Variants in SCARB2 observed in about 807,000 individuals in gnomAD.
The protein encoded by SCARB2 is scavenger receptor class B member 2.
A neutral mutation model predicts 58.6 loss-of-function variants in SCARB2; 29 were observed. The ratio of observed to expected loss-of-function variants is 0.49; its 90% CI spans 0.37 to 0.67. The LOEUF is 0.67. Among genes scored for constraint, SCARB2 ranks in the 30% least tolerant of loss-of-function variants. The pLI, the probability that SCARB2 is intolerant of heterozygous loss-of-function variation, is 0.00. For missense variants in SCARB2, 488 were observed against 578.5 expected (o/e 0.84, Z 1.60); for synonymous variants, 195 against 210.1 (o/e 0.93, Z 0.62).
chr4:76,206,457 G>C (rs1732933288), intron 1 of SCARB2, among the ~76,000 whole-genome samples: 1 of 152,068 alleles, frequency 6.6e-6, no homozygotes, highest in Non-Finnish European at 1.5e-5. Flanking sequence ...GAAGTTTCCA[G>C]ATTTTAAAGG....
At position 76,174,167 on chromosome 4, in the gene SCARB2, AG is replaced by A. The variant is rs1485934928; in HGVS notation, c.970del (p.Leu324Ter). ...ACCATTCTTGCAGATGCTGACATTC[AG>A]AACTCCTGAGCCCAGGCAGTTTCCC... ...PEGNCLGSGV[L>X]NVSICKNGAP... On this transcript the variant is annotated frameshift_variant, in exon 7 of 12. Transcript: ENST00000264896. LOFTEE classifies it high-confidence loss of function. 6.2e-7 allele frequency: 1 copy of A among 1,614,052 alleles called. No homozygotes were observed. The highest frequency in any genetic ancestry group is 8.5e-7 in the Non-Finnish European group (1 of 1,180,026).
At chr4:76,163,157 T>C in intron 11 of SCARB2, 68 bp downstream of exon 11, 1 of 1,591,226 alleles carries the variant, frequency 6.3e-7, no homozygotes. Flanking sequence ...AGCCCTTCAG[T>C]GAAGTACAGT....
At chr4:76,214,318 T>C (rs1222258711), upstream of SCARB2, 1 of 455,910 alleles carries the variant, frequency 2.2e-6, no homozygotes, top group African/African-American at 2.0e-5. Flanking sequence ...GGGCCCCACA[T>C]TGAACTGGGG....
rs747343776 is a variant in SCARB2 at position 76,163,387 on chromosome 4, G to A, written c.1240-4C>T. On this transcript the variant is annotated splice_polypyrimidine_tract_variant and splice_region_variant and intron_variant, in intron 10 of 11. Transcript: ENST00000264896. ...TCTCTTTATCAATGTGAACACTCTGGAGAGGCAAGAAAATAGTATTCTTGA... is the reference window on the plus strand; with the variant it reads ...TCTCTTTATCAATGTGAACACTCTGAAGAGGCAAGAAAATAGTATTCTTGA... 5 of 1,614,164 alleles carry A rather than the reference G, an allele frequency of 3.1e-6. No individual in the cohort carries two copies. Among genetic ancestry groups the A allele is most frequent in the South Asian group, 1.1e-5 (1 of 91,080 alleles).
intron 1 of SCARB2, among the ~76,000 whole-genome samples, chr4:76,230,881 C>G (rs1441905): frequency 0.97 from 148,425 of 152,302 alleles, 72,441 homozygotes; most frequent in East Asian, 1. Context: ...CTTTATCCAT[C>G]AAACAGGAAG....
At chr4:76,212,485 G>A (rs1733071909) in intron 1 of SCARB2, among the ~76,000 whole-genome samples, 1 of 152,210 alleles carries the variant, frequency 6.6e-6, no homozygotes, top group Admixed American at 6.5e-5. Flanking sequence ...AGTAGACTAG[G>A]CCTGGGCTTT....
chr4:76,212,549 T>C (rs898352936), intron 1 of SCARB2, among the ~76,000 whole-genome samples: 1 of 152,258 alleles, frequency 6.6e-6, no homozygotes, highest in Non-Finnish European at 1.5e-5. Flanking sequence ...CGTGCAGTTA[T>C]GGATGCTAAC....
chr4:76,174,546 A>G (rs1297644420), intron 6 of SCARB2: 5 of 510,834 alleles, frequency 9.8e-6, no homozygotes, highest in African/African-American at 7.7e-5. Context: ...AAGAAAAAAC[A>G]ATATGTGGTA....
At chr4:76,222,530 T>C (rs892778057) in intron 1 of SCARB2, among the ~76,000 whole-genome samples, 3 of 152,148 alleles carry the variant, frequency 2.0e-5, no homozygotes, top group African/African-American at 4.8e-5. Context: ...GCCCGGCCTT[T>C]TTCCTATCTT....
intron 7 of SCARB2, among the ~76,000 whole-genome samples, chr4:76,170,998 A>G (rs1487650574): frequency 6.7e-6 from 1 of 150,140 alleles, no homozygotes; most frequent in Middle Eastern, 3.2e-3. Context: ...AAGTTACTAA[A>G]GGAAACCTAT....
intron 7 of SCARB2, 140 bp from the exon 8 acceptor site, chr4:76,170,125 C>T: frequency 1.4e-6 from 1 of 718,128 alleles, no homozygotes; most frequent in African/African-American, 1.8e-5. Flanking sequence ...TAGGCTAAAA[C>T]ACCATCCTTT....
At chr4:76,204,434 A>G (rs1265102235) in intron 1 of SCARB2, among the ~76,000 whole-genome samples, 2 of 152,216 alleles carry the variant, frequency 1.3e-5, no homozygotes, top group Non-Finnish European at 2.9e-5. Context: ...GGTGAACTGT[A>G]CTTTGTTTAT....
At chr4:76,215,964 T>G (rs1448223403), upstream of SCARB2, among the ~76,000 whole-genome samples, 2 of 152,140 alleles carry the variant, frequency 1.3e-5, no homozygotes, top group Non-Finnish European at 2.9e-5. Context: ...GAGCAGATGG[T>G]AAGGGCAGAA....
At chr4:76,216,206 G>T (rs1193893444), upstream of SCARB2, among the ~76,000 whole-genome samples, 1 of 152,082 alleles carries the variant, frequency 6.6e-6, no homozygotes, top group Non-Finnish European at 1.5e-5. Flanking sequence ...TCTGCTCTGT[G>T]CCCCAGTTTG....
chr4:76,169,309 G>A (rs1253055108), intron 8 of SCARB2, among the ~76,000 whole-genome samples: 9 of 132,030 alleles, frequency 6.8e-5, no homozygotes, highest in Admixed American at 1.5e-4. Context: ...AGGAGTAAAT[G>A]TGTATTATAC....
intron 4 of SCARB2, among the ~76,000 whole-genome samples, chr4:76,178,346 T>C (rs1409885820): frequency 1.3e-5 from 2 of 152,216 alleles, no homozygotes; most frequent in African/African-American, 4.8e-5. Context: ...GCATGAATCA[T>C]CTCATGAAAT....
In SCARB2 at chr4:76,163,546, T is replaced by C. The variant is rs570038746; in HGVS notation, c.1240-163A>G. On this transcript the variant is annotated intron_variant, in intron 10 of 11. Coordinates refer to ENST00000264896, the MANE Select transcript of SCARB2 (RefSeq NM_005506.4). ...TAAGTCAGAGTAATCAGAAGGGACA[T>C]TTATTCATTAATATCTTGTCTTCTC... 134 of 703,830 alleles carry C rather than the reference T, an allele frequency of 1.9e-4. 5 individuals are homozygous for C. Among genetic ancestry groups the C allele is most frequent in the South Asian group, 1.7e-3 (98 of 57,118 alleles). The allele number at this position is 703,830 out of a possible 1,614,324, so 43.6% of individuals were successfully genotyped here.
chr4:76,229,011 T>C (rs1472348223), intron 1 of SCARB2, among the ~76,000 whole-genome samples: 1 of 152,334 alleles, frequency 6.6e-6, no homozygotes, highest in Non-Finnish European at 1.5e-5. Context: ...CCTAATTTCA[T>C]GGACGCTTTA....
chr4:76,225,939 A>G (rs1019439574), intron 1 of SCARB2, among the ~76,000 whole-genome samples: 21 of 152,294 alleles, frequency 1.4e-4, no homozygotes, highest in African/African-American at 4.6e-4. Flanking sequence ...ATTCTCTATC[A>G]TTGGAATAGT....
Sources: gnomAD v4.1 joint callset for allele counts (sites outside exome capture counted in the v4.1 genomes callset) on GRCh38, gnomAD v4.1.1 for gene constraint, MANE v1.5 for transcripts, NCBI Gene and HGNC (gene_info 2026-07-23, HGNC 2026-07-21) for gene names.